ATXN2L: variants seen among roughly 807,000 people sequenced by gnomAD.
ATXN2L encodes the protein ataxin-2-like protein.
A neutral mutation model predicts 120.7 loss-of-function variants in ATXN2L; 24 were observed. The observed-to-expected ratio is 0.20, with a 90% CI of 0.14 to 0.28. The LOEUF is 0.28. ATXN2L is among the 10% of genes least tolerant of loss of function. The pLI is 1.00. For missense variants in ATXN2L, 1,312 were observed against 1,432.3 expected (o/e 0.92, Z 1.36); for synonymous variants, 653 against 568.1 (o/e 1.15, Z -2.13).
At chr16:28,829,759 A>G in intron 7 of ATXN2L, 99 bp from the exon 8 acceptor site, 1 of 1,290,334 alleles carries the variant, frequency 7.7e-7, no homozygotes. Flanking sequence ...AAATACTTCC[A>G]TGCCTGAACT....
chr16:28,829,760 T>C, intron 7 of ATXN2L, 98 bp from the exon 8 acceptor site: 1 of 1,297,194 alleles, frequency 7.7e-7, no homozygotes, highest in Non-Finnish European at 1.1e-6. Flanking sequence ...AATACTTCCA[T>C]GCCTGAACTG....
chr16:28,836,643 C>G lies in ATXN2L; in HGVS notation c.*378C>G. On this transcript the variant is annotated 3_prime_UTR_variant, in exon 22 of 22. Transcript: ENST00000336783. ...GGCCGCTCCTTCCCAGACACACCCC[C>G]ACGCCCCCACTGGACGGCATTGGAG... The G allele has an allele frequency of 6.2e-7, 1 of 1,610,650 alleles. No individual in the cohort carries two copies. Among genetic ancestry groups the G allele is most frequent in the Non-Finnish European group, 8.5e-7 (1 of 1,179,148 alleles).
chr16:28,826,451 T>G (rs2052014361), intron 5 of ATXN2L, 61 bp downstream of exon 5: 1 of 1,550,862 alleles, frequency 6.4e-7, no homozygotes, highest in Admixed American at 1.7e-5. Context: ...GAGGGTAGTT[T>G]GTGTGCAGGT....
Position 28,825,671 on chromosome 16 carries a change from A to G in ATXN2L, c.384A>G (p.Thr128=), listed in dbSNP as rs758670881. The change falls in exon 3 of 22, where the codon ACA becomes ACG. Residue 128 remains threonine, a synonymous_variant. Transcript: ENST00000336783. ...ATTCCAGAATGCTGCATTTCCTTAC[A>G]GCTGTTGTGGTAAGTTGGTACTTAA... ...YNNSRMLHFL[T]AVVGSTCDVK... is the part of the protein sequence containing the mutation. 3.1e-6 allele frequency: 5 copies of G among 1,614,024 alleles called. No homozygotes were observed. The highest frequency in any genetic ancestry group is 3.4e-6 in the Non-Finnish European group (4 of 1,180,000).
Position 28,825,760 on chromosome 16 carries a change from A to C in ATXN2L, c.394-10A>C, listed in dbSNP as rs1170442796. The C allele has an allele frequency of 6.2e-7, 1 of 1,613,646 alleles. No individual in the cohort carries two copies. The highest frequency in any genetic ancestry group is 8.5e-7 in the Non-Finnish European group (1 of 1,179,854). ...TGGAGACACTCTTCTTATTTTTCCCACTCTGCCAGGGCTCCACTTGTGATG... is the reference window on the plus strand; with the variant it reads ...TGGAGACACTCTTCTTATTTTTCCCCCTCTGCCAGGGCTCCACTTGTGATG... On this transcript the variant is annotated splice_polypyrimidine_tract_variant and intron_variant, in intron 3 of 21. Transcript: ENST00000336783.
chr16:28,833,109 G>A lies in ATXN2L; in HGVS notation c.1710G>A (p.Arg570=). ...PENSLDPFPP[R]ILKEEPKGKE... ...ACAGCCTGGATCCTTTTCCTCCCCGGATCTTAAAGGAGGAGCCCAAAGGAA... is the reference window on the plus strand; with the variant it reads ...ACAGCCTGGATCCTTTTCCTCCCCGAATCTTAAAGGAGGAGCCCAAAGGAA... Residue 570 remains arginine, a synonymous_variant, in exon 14 of 22, where the codon CGG becomes CGA. Transcript: ENST00000336783. The A allele has an allele frequency of 1.2e-6, 2 of 1,614,182 alleles. No homozygotes were observed. Among genetic ancestry groups the A allele is most frequent in the Non-Finnish European group, 1.7e-6 (2 of 1,180,014 alleles).
chr16:28,830,304 T>G (rs1205542056), intron 8 of ATXN2L, among the ~76,000 whole-genome samples: 1 of 152,230 alleles, frequency 6.6e-6, no homozygotes, highest in Non-Finnish European at 1.5e-5. Flanking sequence ...GAAATATAAC[T>G]ACATTATTTG....
chr16:28,833,743 G>C, intron 15 of ATXN2L: 1 of 612,324 alleles, frequency 1.6e-6, no homozygotes, highest in Non-Finnish European at 2.9e-6. Context: ...GTCTGATGAG[G>C]GGTTAACAGG....
chr16:28,824,620 G>A (rs529701298), intron 1 of ATXN2L: 1 of 1,213,464 alleles, frequency 8.2e-7, no homozygotes, highest in Non-Finnish European at 1.1e-6. Flanking sequence ...ACAGTTTTGA[G>A]GCGTCAGGCT....
Position 28,836,898 on chromosome 16 carries a change from G to T in ATXN2L, c.*633G>T. 1 of 1,096,978 alleles carries T rather than the reference G, an allele frequency of 9.1e-7. No individual in the cohort carries two copies. 68.0% of individuals were successfully genotyped at this position (1,096,978 alleles called of 1,614,324 possible). A position where few individuals can be genotyped will look rare whatever the true frequency, so the allele number is the denominator to read the frequency against. On this transcript the variant is annotated 3_prime_UTR_variant, in exon 22 of 22. Transcript: ENST00000336783. Reference sequence around the variant, plus strand: ...TCCCCCCGTTCCCCAGGGGAGCTGGGGAATTCCTGCCAAGCACCTTGAATG... The same window carrying T: ...TCCCCCCGTTCCCCAGGGGAGCTGGTGAATTCCTGCCAAGCACCTTGAATG...
chr16:28,826,991 A>T lies in ATXN2L; in HGVS notation c.741+5A>T. The T allele has an allele frequency of 6.7e-7, 1 of 1,484,040 alleles. No homozygotes were observed. Among genetic ancestry groups the T allele is most frequent in the South Asian group, 1.4e-5 (1 of 70,706 alleles). The allele number at this position is 1,484,040 out of a possible 1,614,324, so 91.9% of individuals were successfully genotyped here. The stretch of plus-strand genomic sequence containing the variant: ...TATGACCTCGAGTCTGACATGGTAT[A>T]GCCTCCTTCCCTGAGAACTTGGGAG... On this transcript the variant is annotated splice_donor_5th_base_variant and intron_variant, in intron 6 of 21. Coordinates refer to ENST00000336783, the MANE Select transcript of ATXN2L (RefSeq NM_007245.4).
Position 28,835,618 on chromosome 16 carries a change from C to G in ATXN2L, c.2755C>G (p.Leu919Val). 1 of 1,614,066 alleles carries G rather than the reference C, an allele frequency of 6.2e-7. No homozygotes were observed. The highest frequency in any genetic ancestry group is 2.2e-5 in the East Asian group (1 of 44,874). Residue 919 changes from leucine to valine, a missense_variant, in exon 21 of 22, where the codon CTG (leucine) becomes GTG (valine). Leu to Val is a conservative substitution (Grantham distance 32). Coordinates refer to ENST00000336783, the MANE Select transcript of ATXN2L (RefSeq NM_007245.4). ...PQQNLYHPGA[L>V]TGTPPSLPPG... is the part of the protein sequence containing the mutation. Reference sequence around the variant, plus strand: ...GCAGAATCTGTACCACCCAGGGGCCCTGACAGGCACGCCGCCCTCTCTGCC... The same window carrying G: ...GCAGAATCTGTACCACCCAGGGGCCGTGACAGGCACGCCGCCCTCTCTGCC...
intron 13 of ATXN2L, 26 bp downstream of exon 13, chr16:28,832,913 TAGC>T (rs772886306): frequency 6.8e-6 from 11 of 1,612,846 alleles, no homozygotes; most frequent in South Asian, 3.3e-5. Flanking sequence ...GCTGGGATAT[TAGC>T]AGGGTAAAGG....
In ATXN2L at chr16:28,823,319, A is replaced by G. The variant is rs1408568245; in HGVS notation, c.60A>G (p.Gln20=). 1.3e-6 allele frequency: 2 copies of G among 1,483,698 alleles called. No individual in the cohort carries two copies. The highest frequency in any genetic ancestry group is 8.9e-7 in the Non-Finnish European group (1 of 1,118,712). The allele number at this position is 1,483,698 out of a possible 1,614,324, so 91.9% of individuals were successfully genotyped here. Residue 20 remains glutamine (Q), a synonymous_variant, in exon 1 of 22, where the codon CAA becomes CAG. Transcript: ENST00000336783. ...AGCCCCAGCAGCCGCCCCCCACGCA[A>G]CAGGCCGTGGCCCGTCGGCCCCCCG... is the stretch of plus-strand genomic sequence containing the variant. The part of the protein sequence containing the change: ...PSQPQQPPPT[Q]QAVARRPPGG...
intron 10 of ATXN2L, 164 bp from the exon 11 acceptor site, chr16:28,832,041 G>A (rs1016518856): frequency 1.5e-6 from 1 of 673,000 alleles, no homozygotes; most frequent in Non-Finnish European, 2.5e-6. Context: ...TGATGCCCAT[G>A]AGGCCATTTA....
Position 28,832,490 on chromosome 16 carries a change from G to T in ATXN2L, c.1517-6G>T. 6.2e-7 allele frequency: 1 copy of T among 1,613,812 alleles called. No individual in the cohort carries two copies. The highest frequency in any genetic ancestry group is 1.1e-5 in the South Asian group (1 of 91,054). On this transcript the variant is annotated splice_region_variant and splice_polypyrimidine_tract_variant and intron_variant, in intron 11 of 21. Coordinates refer to ENST00000336783, the MANE Select transcript of ATXN2L (RefSeq NM_007245.4). ...GACCTTTAGGCATTTCTCTTTACTT[G>T]AACAGTAAAAGAACTCTCTACCAAG...
intron 10 of ATXN2L, 122 bp downstream of exon 10, chr16:28,831,194 G>A (rs2152051936): frequency 1.3e-6 from 1 of 750,824 alleles, no homozygotes; most frequent in Non-Finnish European, 2.1e-6. Context: ...TGGGCATTTG[G>A]GATTTAGTCA....
At chr16:28,833,590 A>G in intron 15 of ATXN2L, 82 bp downstream of exon 15, 6 of 1,393,116 alleles carry the variant, frequency 4.3e-6, no homozygotes, top group African/African-American at 1.4e-5. Context: ...GGGGAGGAAC[A>G]CTTCACTTCC....
At position 28,835,123 on chromosome 16, in the gene ATXN2L, C is replaced by T; in HGVS notation, c.2499C>T (p.Ala833=). The change falls in exon 19 of 22, where the codon GCC becomes GCT. Residue 833 remains alanine, a synonymous_variant. Transcript: ENST00000336783. ...RMLTSGSHPQ[A]IVSSSTPQYP... ...TGACGTCGGGCAGCCATCCCCAGGC[C>T]ATCGTGTCATCCTCTACCCCTCAGT... The T allele has an allele frequency of 3.7e-6, 6 of 1,613,864 alleles. No individual in the cohort carries two copies. The highest frequency in any genetic ancestry group is 2.2e-5 in the East Asian group (1 of 44,898).
Sources: gnomAD v4.1 joint callset for allele counts (sites outside exome capture counted in the v4.1 genomes callset) on GRCh38, gnomAD v4.1.1 for gene constraint, MANE v1.5 for transcripts, NCBI Gene and HGNC (gene_info 2026-07-23, HGNC 2026-07-21) for gene names.